The following RGS10 variants were observed in gnomAD, a reference collection of about 807,000 sequenced individuals.
The protein encoded by RGS10 is regulator of G-protein signalling 10.
A neutral mutation model predicts 23.5 loss-of-function variants in RGS10; 11 were observed. The observed-to-expected ratio is 0.47, with a 90% CI of 0.29 to 0.77. The LOEUF is 0.77. Among genes scored for constraint, RGS10 ranks in the 30% least tolerant of loss-of-function variants. RGS10 has a pLI of 0.08. For missense variants in RGS10, 180 were observed against 226.3 expected (o/e 0.80, Z 1.31); for synonymous variants, 77 against 83.2 (o/e 0.92, Z 0.41).
At chr10:119,530,087 T>C (rs1001399664) in intron 1 of RGS10, among the ~76,000 whole-genome samples, 4 of 152,192 alleles carry the variant, frequency 2.6e-5, no homozygotes, top group South Asian at 2.1e-4. Flanking sequence ...CGAGACTCCA[T>C]CTGATTAAAT....
intron 1 of RGS10, among the ~76,000 whole-genome samples, chr10:119,539,373 C>T (rs1055525137): frequency 1.1e-4 from 17 of 152,324 alleles, no homozygotes; most frequent in Middle Eastern, 3.4e-3. Context: ...AGGGGACGGC[C>T]GAAACCTGCC....
intron 4 of RGS10, among the ~76,000 whole-genome samples, chr10:119,508,667 C>T (rs1844043001): frequency 6.6e-6 from 1 of 152,200 alleles, no homozygotes; most frequent in Non-Finnish European, 1.5e-5. Flanking sequence ...CCAATAACGT[C>T]ATCGATTTCC....
At position 119,515,525 on chromosome 10, in the gene RGS10, T is replaced by C; in HGVS notation, c.383A>G (p.Gln128Arg). Residue 128 changes from glutamine (Q) to arginine (R), a missense_variant, in exon 4 of 5, where the codon CAG (glutamine) becomes CGG (arginine). Gln to Arg is a conservative substitution (Grantham distance 43). Transcript: ENST00000369103. ...ILEEPHPLMF[Q>R]KLQDQIFNLM... ...TCGGGTTACCTGGTCCTGGAGTTTC[T>C]GGAACATCAGAGGGTGCGGTTCTTC... is the stretch of plus-strand genomic sequence containing the variant. 1.2e-6 allele frequency: 2 copies of C among 1,614,180 alleles called. No individual in the cohort carries two copies. Among genetic ancestry groups the C allele is most frequent in the Non-Finnish European group, 1.7e-6 (2 of 1,180,040 alleles).
At chr10:119,526,898 C>A (rs923938112) in intron 2 of RGS10, among the ~76,000 whole-genome samples, 2 of 152,074 alleles carry the variant, frequency 1.3e-5, no homozygotes, top group Non-Finnish European at 2.9e-5. Context: ...GAGGTCCCTT[C>A]GCCAAGTTCT....
chr10:119,512,956 CTTA>C (rs1179854101), intron 4 of RGS10, among the ~76,000 whole-genome samples: 2 of 152,164 alleles, frequency 1.3e-5, no homozygotes, highest in Non-Finnish European at 1.5e-5. Flanking sequence ...TATTATTACA[CTTA>C]TTAGGCCACA....
At chr10:119,501,022 A>G (rs768188374) in intron 4 of RGS10, among the ~76,000 whole-genome samples, 1 of 152,164 alleles carries the variant, frequency 6.6e-6, no homozygotes, top group Non-Finnish European at 1.5e-5. Context: ...CCCCAGGCAC[A>G]GTAGCTTCCT....
chr10:119,515,765 C>T, intron 3 of RGS10, 113 bp from the exon 4 acceptor site: 2 of 1,271,024 alleles, frequency 1.6e-6, no homozygotes, highest in Non-Finnish European at 2.2e-6. Flanking sequence ...GAGAAAGGCA[C>T]CCCCCACAGC....
At chr10:119,537,274 C>T (rs972427469) in intron 1 of RGS10, among the ~76,000 whole-genome samples, 1 of 151,058 alleles carries the variant, frequency 6.6e-6, no homozygotes, top group African/African-American at 2.4e-5. Context: ...CCCAGCTACT[C>T]AGGAGGCTGA....
At chr10:119,505,240 A>AGAGCT (rs1843996238) in intron 4 of RGS10, among the ~76,000 whole-genome samples, 1 of 152,054 alleles carries the variant, frequency 6.6e-6, no homozygotes, top group Admixed American at 6.5e-5. Flanking sequence ...ACACGGGAAC[A>AGAGCT]GAGCTGAGGC....
intron 2 of RGS10, among the ~76,000 whole-genome samples, chr10:119,526,910 A>C (rs1020737823): frequency 6.6e-6 from 1 of 151,994 alleles, no homozygotes; most frequent in Non-Finnish European, 1.5e-5. Flanking sequence ...CCAAGTTCTC[A>C]TTGCCAGCCT....
chr10:119,500,105 T>C lies in RGS10; in HGVS notation c.*8A>G. 1 of 1,610,544 alleles carries C rather than the reference T, an allele frequency of 6.2e-7. No individual in the cohort carries two copies. Among genetic ancestry groups the C allele is most frequent in the South Asian group, 1.1e-5 (1 of 89,940 alleles). ...TCTTAAAGCTGCCAGTCCCGGCTTT[T>C]TGGGGGCTCATGTGTTATAAATTCT... On this transcript the variant is annotated 3_prime_UTR_variant, in exon 5 of 5. Transcript: ENST00000369103.
In RGS10 at chr10:119,515,616, G is replaced by A. The variant is rs1295093733; in HGVS notation, c.292C>T (p.Leu98=). Residue 98 remains leucine, a synonymous_variant, in exon 4 of 5, where the codon CTG becomes TTG. Coordinates refer to ENST00000369103, the MANE Select transcript of RGS10 (RefSeq NM_001005339.2). The part of the protein sequence containing the change: ...EKAKEIYMTF[L]SSKASSQVNV... ...ACCTGTGATGAGGCCTTGCTGGACA[G>A]AAAGGTCATGTAGATCTCCTTTGCC... 1.9e-6 allele frequency: 3 copies of A among 1,614,060 alleles called. No homozygotes were observed. Among genetic ancestry groups the A allele is most frequent in the Non-Finnish European group, 1.7e-6 (2 of 1,180,032 alleles).
intron 4 of RGS10, among the ~76,000 whole-genome samples, chr10:119,509,561 A>G (rs1844053686): frequency 6.6e-6 from 1 of 152,194 alleles, no homozygotes; most frequent in African/African-American, 2.4e-5. Flanking sequence ...ACTGTACTCC[A>G]GCCTGGGTGA....
In RGS10 at chr10:119,499,864, C is replaced by T. The variant is rs998030823; in HGVS notation, c.*249G>A. ...AGGTTTAATTAAGCTACAAAATGCTCGACGTGTCCAGTGTTGAAGGAATCT... is the reference window on the plus strand; with the variant it reads ...AGGTTTAATTAAGCTACAAAATGCTTGACGTGTCCAGTGTTGAAGGAATCT... On this transcript the variant is annotated 3_prime_UTR_variant, in exon 5 of 5. Transcript: ENST00000369103. 13 of 394,596 alleles carry T rather than the reference C, an allele frequency of 3.3e-5. No individual in the cohort carries two copies. The highest frequency in any genetic ancestry group is 7.0e-4 in the Middle Eastern group (1 of 1,438). 24.4% of individuals were successfully genotyped at this position (394,596 alleles called of 1,614,324 possible). A position where few individuals can be genotyped will look rare whatever the true frequency, so the allele number is the denominator to read the frequency against.
chr10:119,530,873 T>C (rs895665182), intron 1 of RGS10, among the ~76,000 whole-genome samples: 4 of 152,230 alleles, frequency 2.6e-5, no homozygotes, highest in African/African-American at 9.6e-5. Context: ...GCAGGGACCA[T>C]GCTTCAATGC....
At chr10:119,534,757 G>A (rs916803214) in intron 1 of RGS10, among the ~76,000 whole-genome samples, 1 of 151,190 alleles carries the variant, frequency 6.6e-6, no homozygotes. Flanking sequence ...AGGTGTGGTG[G>A]TGCACGCCTG....
At chr10:119,541,297 A>G (rs1267943090) in intron 1 of RGS10, among the ~76,000 whole-genome samples, 1 of 152,228 alleles carries the variant, frequency 6.6e-6, no homozygotes, top group Non-Finnish European at 1.5e-5. Flanking sequence ...CATGCAACAC[A>G]AAAAGGTTTA....
intron 1 of RGS10, among the ~76,000 whole-genome samples, chr10:119,537,108 T>A (rs1306537718): frequency 1.3e-5 from 2 of 152,102 alleles, no homozygotes; most frequent in Non-Finnish European, 2.9e-5. Context: ...TAAAAATAGT[T>A]GAGGCCAGGC....
chr10:119,505,738 T>C (rs139244545), intron 4 of RGS10, among the ~76,000 whole-genome samples: 18 of 152,322 alleles, frequency 1.2e-4, no homozygotes, highest in Non-Finnish European at 2.5e-4. Flanking sequence ...CAACCAGCCT[T>C]GAAGGCCCCT....
Sources: gnomAD v4.1 joint callset for allele counts (sites outside exome capture counted in the v4.1 genomes callset) on GRCh38, gnomAD v4.1.1 for gene constraint, MANE v1.5 for transcripts, NCBI Gene and HGNC (gene_info 2026-07-23, HGNC 2026-07-21) for gene names.